The following CUX1 variants were observed in gnomAD, a reference collection of about 807,000 sequenced individuals.
CUX1 encodes the protein cut like homeobox 1.
CUX1 carries 31 observed loss-of-function variants against 158.8 expected under a neutral mutation model. The observed-to-expected ratio is 0.20, with a 90% CI of 0.15 to 0.26. The LOEUF is 0.26. Ranked by LOEUF, CUX1 falls within the 10% of genes least tolerant of loss-of-function variation. CUX1 has a pLI of 1.00. For synonymous variants in CUX1, 879 were observed against 862.1 expected, an observed-to-expected ratio of 1.02 and a Z score of -0.34; for missense variants, 1,589 against 2,014.6, an observed-to-expected ratio of 0.79 and a Z score of 4.04.
At chr7:101,943,730 C>T (rs1055711465) in intron 2 of CUX1, among the ~76,000 whole-genome samples, 6 of 151,654 alleles carry the variant, frequency 4.0e-5, no homozygotes, top group East Asian at 1.9e-4. Context: ...CTCGTTGGCA[C>T]CTTTTGGCTT....
intron 1 of CUX1, among the ~76,000 whole-genome samples, chr7:101,903,278 C>T (rs1268783051): frequency 6.6e-6 from 1 of 152,112 alleles, no homozygotes; most frequent in Non-Finnish European, 1.5e-5. Flanking sequence ...CCCACTTTAA[C>T]AGGAGGCAAG....
chr7:102,241,245 A>C (rs1554534879), intron 23 of CUX1, among the ~76,000 whole-genome samples: 1 of 152,198 alleles, frequency 6.6e-6, no homozygotes, highest in East Asian at 1.9e-4. Flanking sequence ...GAGGAAACCC[A>C]CTGAAGGATC....
At chr7:101,834,809 G>A (rs1794446485) in intron 1 of CUX1, among the ~76,000 whole-genome samples, 1 of 152,016 alleles carries the variant, frequency 6.6e-6, no homozygotes. Context: ...GATCAGCCTG[G>A]CCAACATGGC....
chr7:101,962,724 T>C (rs1036120027), intron 2 of CUX1, among the ~76,000 whole-genome samples: 2 of 152,130 alleles, frequency 1.3e-5, no homozygotes, highest in African/African-American at 4.8e-5. Context: ...AGATTTCTTT[T>C]TTCTTCCTTT....
Position 102,257,564 on chromosome 7 carries a change from T to G in CUX1, c.*8522T>G, listed in dbSNP as rs1790030578. The G allele has an allele frequency of 1.0e-6, 1 of 985,320 alleles. No homozygotes were observed. The highest frequency in any genetic ancestry group is 1.2e-6 in the Non-Finnish European group (1 of 829,942). The allele number at this position is 985,320 out of a possible 1,614,324, so 61.0% of individuals were successfully genotyped here. A position where few individuals can be genotyped will look rare whatever the true frequency, so the allele number is the denominator to read the frequency against. Reference sequence around the variant, plus strand: ...ATCCCTTTGCATTGAATAAGAGACCTAGTTCTTTGCGTTTGTGCAATAACT... The same window carrying G: ...ATCCCTTTGCATTGAATAAGAGACCGAGTTCTTTGCGTTTGTGCAATAACT... On this transcript the variant is annotated 3_prime_UTR_variant, in exon 24 of 24. Transcript: ENST00000292535.
chr7:101,827,006 A>C (rs1584667638), intron 1 of CUX1, among the ~76,000 whole-genome samples: 3 of 152,274 alleles, frequency 2.0e-5, no homozygotes, highest in Middle Eastern at 3.4e-3. Flanking sequence ...TGATAGGTAC[A>C]CCTATGGAAT....
intron 1 of CUX1, among the ~76,000 whole-genome samples, chr7:101,823,575 C>T (rs1288300540): frequency 1.3e-5 from 2 of 152,190 alleles, no homozygotes; most frequent in Admixed American, 1.3e-4. Flanking sequence ...ATTAACAGAG[C>T]TTACTCTGAG....
chr7:101,975,280 G>A (rs1014034322), intron 2 of CUX1, among the ~76,000 whole-genome samples: 2 of 149,634 alleles, frequency 1.3e-5, no homozygotes, highest in South Asian at 2.1e-4. Context: ...GAGAGAGAGA[G>A]AAAAGAAAAG....
Position 101,853,489 on chromosome 7 carries a change from G to T in CUX1, c.30+35820G>T, listed in dbSNP as rs192484623. On this transcript the variant is annotated intron_variant, in intron 1 of 23. Transcript: ENST00000292535. Reference sequence around the variant, plus strand: ...TCCTGTCGCTTTGTCTGTTTTCCTCGTTTCCCTCTTTGTTTTGGTCCCAGT... The same window carrying T: ...TCCTGTCGCTTTGTCTGTTTTCCTCTTTTCCCTCTTTGTTTTGGTCCCAGT... Among the ~76,000 whole-genome samples, 33 of 151,862 alleles carry T rather than the reference G, an allele frequency of 2.2e-4. No individual in the cohort carries two copies. In the Middle Eastern group the frequency reaches 0.01, roughly 48 times the overall value.
At chr7:102,282,114 T>C (rs1302848380) in intron 21 of CUX1, among the ~76,000 whole-genome samples, 3 of 152,126 alleles carry the variant, frequency 2.0e-5, no homozygotes, top group African/African-American at 7.2e-5. Flanking sequence ...CATTGGGACC[T>C]CTGGCCAGGG....
rs945077168 is a variant in CUX1, at chr7:101,869,638, G to A, written c.31-46477G>A. Among the ~76,000 whole-genome samples the A allele has an allele frequency of 2.1e-4, 32 of 152,134 alleles. No homozygotes were observed. The highest frequency in any genetic ancestry group is 7.2e-4 in the African/African-American group (30 of 41,430). ...GGCGGCCAGCAGGGCGGGAGGAGGCGTTGGTGTGCACACGCGGGGAGCCTC... is the reference window on the plus strand; with the variant it reads ...GGCGGCCAGCAGGGCGGGAGGAGGCATTGGTGTGCACACGCGGGGAGCCTC... On this transcript the variant is annotated intron_variant, in intron 1 of 23. Coordinates refer to ENST00000292535, the MANE Select transcript of CUX1 (RefSeq NM_181552.4). This position sits in a 1 kb window ranked among gnomAD's most constrained non-coding sequence, Gnocchi z 4.5.
chr7:102,173,139 C>G (rs768270939), intron 10 of CUX1, among the ~76,000 whole-genome samples: 1 of 152,150 alleles, frequency 6.6e-6, no homozygotes, highest in Non-Finnish European at 1.5e-5. Context: ...GCGGGCAGAT[C>G]ACCTGAGATC....
At chr7:102,202,787 GC>G (rs1187011327) in intron 18 of CUX1, among the ~76,000 whole-genome samples, 3 of 152,168 alleles carry the variant, frequency 2.0e-5, no homozygotes, top group African/African-American at 7.2e-5. Flanking sequence ...CTTGGGGATG[GC>G]CCAAGCAGGG....
chr7:102,009,401 G>A (rs1406166288), intron 2 of CUX1, among the ~76,000 whole-genome samples: 1 of 152,208 alleles, frequency 6.6e-6, no homozygotes, highest in Non-Finnish European at 1.5e-5. Context: ...GGCTGCGTGG[G>A]GCTGCAGAGC....
At chr7:101,841,868 T>C (rs990332556) in intron 1 of CUX1, among the ~76,000 whole-genome samples, 1 of 152,186 alleles carries the variant, frequency 6.6e-6, no homozygotes, top group Non-Finnish European at 1.5e-5. Context: ...CCTTGAATAC[T>C]CAGCTTTTTA....
intron 2 of CUX1, among the ~76,000 whole-genome samples, chr7:102,018,749 TGCGTGC>T (rs1818982150): frequency 7.5e-6 from 1 of 133,270 alleles, no homozygotes; most frequent in African/African-American, 2.8e-5. Flanking sequence ...CGTGCGTGCG[TGCGTGC>T]GCTGTATCTC....
In CUX1 at chr7:102,256,542, C is replaced by G; in HGVS notation, c.*7500C>G. 1 of 985,406 alleles carries G rather than the reference C, an allele frequency of 1.0e-6. No homozygotes were observed. Among genetic ancestry groups the G allele is most frequent in the Non-Finnish European group, 1.2e-6 (1 of 829,928 alleles). 61.0% of individuals were successfully genotyped at this position (985,406 alleles called of 1,614,324 possible). On this transcript the variant is annotated 3_prime_UTR_variant, in exon 24 of 24. Coordinates refer to ENST00000292535, the MANE Select transcript of CUX1 (RefSeq NM_181552.4). Reference sequence around the variant, plus strand: ...GGGTTTCCCCAGCAAAATCAAACACCTGTCTCCAGAGTAGCCACTCAAAAA... The same window carrying G: ...GGGTTTCCCCAGCAAAATCAAACACGTGTCTCCAGAGTAGCCACTCAAAAA...
At chr7:101,946,977 G>A (rs1206038007) in intron 2 of CUX1, among the ~76,000 whole-genome samples, 3 of 152,220 alleles carry the variant, frequency 2.0e-5, no homozygotes, top group African/African-American at 7.2e-5. Context: ...GGCCCGGGAT[G>A]TGTCACCCAG....
intron 20 of CUX1, among the ~76,000 whole-genome samples, chr7:102,211,918 T>C (rs1554523279): frequency 1.3e-5 from 2 of 151,502 alleles, no homozygotes; most frequent in South Asian, 4.2e-4. Context: ...TCCCGGCTGA[T>C]GAGATGAGGC....
Sources: gnomAD v4.1 joint callset for allele counts (sites outside exome capture counted in the v4.1 genomes callset) on GRCh38, gnomAD v4.1.1 for gene constraint, Gnocchi (gnomAD v3.1) non-coding constraint, MANE v1.5 for transcripts, NCBI Gene and HGNC (gene_info 2026-07-23, HGNC 2026-07-21) for gene names.